Variants in MICAL3 observed in about 807,000 individuals in gnomAD.
MICAL3 encodes the protein [F-actin]-monooxygenase MICAL3.
Under a neutral mutation model 207.4 loss-of-function variants are expected in MICAL3, and 62 were observed. The observed-to-expected ratio is 0.30, with a 90% confidence interval of 0.24 to 0.37. MICAL3 has a LOEUF of 0.37. MICAL3 is among the 10% of genes least tolerant of loss of function. The probability of loss-of-function intolerance (pLI) is 1.00; values close to 1 mark genes in which losing one functional copy is unlikely to be tolerated. For missense variants in MICAL3, 2,368 were observed against 2,635.6 expected (o/e 0.90, Z 2.22); for synonymous variants, 1,077 against 1,069.3 (o/e 1.01, Z -0.14).
chr22:17,887,168 A>G lies in MICAL3; in HGVS notation c.2067+2T>C. ...TCTAGCAATTCCCCAAGTGAATCTC[A>G]CCTCCTCTGATTGACTGGTCTTTCT... is the stretch of plus-strand genomic sequence containing the variant. On this transcript the variant is annotated splice_donor_variant, in intron 15 of 31. Transcript: ENST00000441493. LOFTEE classifies it high-confidence loss of function. The G allele has an allele frequency of 6.2e-7, 1 of 1,612,704 alleles. No homozygotes were observed. The highest frequency in any genetic ancestry group is 8.5e-7 in the Non-Finnish European group (1 of 1,179,046).
intron 1 of MICAL3, among the ~76,000 whole-genome samples, chr22:17,998,320 A>G (rs1260814413): frequency 6.6e-6 from 1 of 152,222 alleles, no homozygotes; most frequent in Admixed American, 6.5e-5. Flanking sequence ...AAGAAGAAGA[A>G]GAAGAACCCA....
In MICAL3 at chr22:17,895,329, G is replaced by A. The variant is rs763938899; in HGVS notation, c.1404C>T (p.Val468=). The change falls in exon 10 of 32, where the codon GTC becomes GTT. Residue 468 remains valine (V), a synonymous_variant. Coordinates refer to ENST00000441493, the MANE Select transcript of MICAL3 (RefSeq NM_015241.3). ...KNFSQYSIDP[V]TRYPNINVNF... ...TGACGTTGATATTGGGATACCGAGT[G>A]ACAGGGTCGATACTGTACTGGCTGA... 2 of 1,613,842 alleles carry A rather than the reference G, an allele frequency of 1.2e-6. No individual in the cohort carries two copies. Among genetic ancestry groups the A allele is most frequent in the South Asian group, 2.2e-5 (2 of 90,994 alleles).
intron 19 of MICAL3, among the ~76,000 whole-genome samples, chr22:17,843,503 A>G (rs969244614): frequency 2.0e-5 from 3 of 152,138 alleles, no homozygotes; most frequent in African/African-American, 7.2e-5. Context: ...TAGAAAATTT[A>G]CAGAACTCCT....
chr22:17,982,891 G>A (rs751493434), intron 1 of MICAL3, among the ~76,000 whole-genome samples: 2 of 152,092 alleles, frequency 1.3e-5, no homozygotes, highest in Non-Finnish European at 2.9e-5. Context: ...AGTCTGACTG[G>A]GTTTAGCACC....
chr22:17,819,282 AC>A (rs1921284214), intron 25 of MICAL3, among the ~76,000 whole-genome samples, 153 bp from the exon 26 acceptor site: 1 of 151,824 alleles, frequency 6.6e-6, no homozygotes, highest in South Asian at 2.1e-4. Context: ...CTCCAGGAAA[AC>A]CCTTTCCACT....
rs775568249 is a variant in MICAL3 at position 17,889,191 on chromosome 22, A to G, written c.1734T>C (p.Asn578=). Residue 578 remains asparagine (N), a synonymous_variant, in exon 13 of 32, where the codon AAT becomes AAC. Transcript: ENST00000441493. ...CAGCAATGTCAAAGGCCAGTTGGTTATTCTTCTCCACATTTTGCTCATCCA... is the reference window on the plus strand; with the variant it reads ...CAGCAATGTCAAAGGCCAGTTGGTTGTTCTTCTCCACATTTTGCTCATCCA... The part of the protein sequence containing the change: ...DSLDEQNVEK[N]NQLAFDIAEK... The G allele has an allele frequency of 5.6e-6, 9 of 1,613,360 alleles. No individual in the cohort carries two copies. The highest frequency in any genetic ancestry group is 7.6e-6 in the Non-Finnish European group (9 of 1,179,324).
At chr22:17,884,208 G>T in intron 16 of MICAL3, 1 of 1,094,066 alleles carries the variant, frequency 9.1e-7, no homozygotes. Flanking sequence ...AACCCTGGCT[G>T]GCTCAGGAGG....
At chr22:17,826,806 C>T (rs1217203040) in intron 22 of MICAL3, among the ~76,000 whole-genome samples, 3 of 152,232 alleles carry the variant, frequency 2.0e-5, no homozygotes, top group Admixed American at 1.3e-4. Flanking sequence ...CTCATGGTGC[C>T]ACCACAAGCC....
chr22:17,950,107 A>G (rs1465693658), intron 1 of MICAL3, among the ~76,000 whole-genome samples: 2 of 152,088 alleles, frequency 1.3e-5, no homozygotes, highest in Non-Finnish European at 2.9e-5. Flanking sequence ...AGAAGGAGGG[A>G]AAAACTCAGG....
intron 1 of MICAL3, among the ~76,000 whole-genome samples, chr22:17,974,080 A>C (rs1935532463): frequency 6.6e-6 from 1 of 152,212 alleles, no homozygotes; most frequent in Admixed American, 6.5e-5. Flanking sequence ...TGAGCTGCCA[A>C]AATTCCAGGC....
rs200950381 is a variant in MICAL3 at position 17,831,969 on chromosome 22, C to T, written c.2940G>A (p.Glu980=). Residue 980 remains glutamate (E), a synonymous_variant, in exon 21 of 32, where the codon GAG becomes GAA. Coordinates refer to ENST00000441493, the MANE Select transcript of MICAL3 (RefSeq NM_015241.3). Reference sequence around the variant, plus strand: ...GCCCAAAGCTCTTTGAGGCCTCTAGCTCCTCTTCACTTTTCCCTTTCAGAA... The same window carrying T: ...GCCCAAAGCTCTTTGAGGCCTCTAGTTCCTCTTCACTTTTCCCTTTCAGAA... The part of the protein sequence containing the change: ...HALLKGKSEE[E]LEASKSFGPG... The T allele has an allele frequency of 6.3e-7, 1 of 1,594,794 alleles. No individual in the cohort carries two copies. Among genetic ancestry groups the T allele is most frequent in the East Asian group, 2.3e-5 (1 of 44,234 alleles).
chr22:17,817,368 AG>A lies in MICAL3; in HGVS notation c.5292del (p.Ser1765ProfsTer17), dbSNP rs762251380. 1 of 1,611,958 alleles carries A rather than the reference AG, an allele frequency of 6.2e-7. No individual in the cohort carries two copies. The highest frequency in any genetic ancestry group is 8.5e-7 in the Non-Finnish European group (1 of 1,179,446). ...KADDKSCPSTPSSGATVDSGK... is the reference protein window; with the variant it reads ...KADDKSCPSTXSSGATVDSGK... Reference sequence around the variant, plus strand: ...CCAGAGTCCACCGTGGCCCCGCTGGAGGGGGTGCTGGGGCAGGACTTGTCGT... The same window carrying A: ...CCAGAGTCCACCGTGGCCCCGCTGGAGGGGTGCTGGGGCAGGACTTGTCGT... On this transcript the variant is annotated frameshift_variant, in exon 26 of 32. Transcript: ENST00000441493. LOFTEE classifies it high-confidence loss of function.
At chr22:17,977,955 G>A (rs561073800) in intron 1 of MICAL3, among the ~76,000 whole-genome samples, 1 of 152,248 alleles carries the variant, frequency 6.6e-6, no homozygotes, top group African/African-American at 2.4e-5. Flanking sequence ...CTGGGAGGCG[G>A]AGGTTGTGGT....
intron 16 of MICAL3, chr22:17,879,276 C>A: frequency 7.3e-7 from 1 of 1,370,336 alleles, no homozygotes; most frequent in South Asian, 1.4e-5. Flanking sequence ...CTTCCCGCTG[C>A]CCCACCACCA....
chr22:17,867,166 C>G (rs1927241476), intron 17 of MICAL3, among the ~76,000 whole-genome samples: 1 of 152,174 alleles, frequency 6.6e-6, no homozygotes, highest in Non-Finnish European at 1.5e-5. Context: ...ACTCCCTATC[C>G]AATGCTGAAT....
At chr22:17,800,664 G>C (rs113530154) in intron 29 of MICAL3, among the ~76,000 whole-genome samples, 1 of 152,124 alleles carries the variant, frequency 6.6e-6, no homozygotes, top group African/African-American at 2.4e-5. Flanking sequence ...CCAATGCTCC[G>C]AGGGCTGCTT....
At chr22:17,860,913 C>T in intron 19 of MICAL3, 1 of 985,306 alleles carries the variant, frequency 1.0e-6, no homozygotes, top group Non-Finnish European at 1.2e-6. Context: ...AACAGCTTCA[C>T]AATTATTATA....
In MICAL3 at chr22:17,904,700, T is replaced by C. The variant is rs770516163; in HGVS notation, c.404A>G (p.His135Arg). The change falls in exon 3 of 32, where the codon CAT (histidine) becomes CGT (arginine). Residue 135 changes from histidine (H) to arginine (R), a missense_variant. By Grantham distance (29) the His-to-Arg change is conservative. Around this residue, in one of 4 missense-constraint regions of MICAL3, gnomAD observed 400 missense variants for 547.0 expected, o/e 0.73. Transcript: ENST00000441493. Reference sequence around the variant, plus strand: ...CTTGGCACCCAGACCTCGTAGATCATGTATGGTGAATGGCCAGAGATGCAA... The same window carrying C: ...CTTGGCACCCAGACCTCGTAGATCACGTATGGTGAATGGCCAGAGATGCAA... ...NVLHLWPFTI[H>R]DLRGLGAKKF... 1.9e-6 allele frequency: 3 copies of C among 1,613,988 alleles called. No homozygotes were observed. Among genetic ancestry groups the C allele is most frequent in the African/African-American group, 2.7e-5 (2 of 74,928 alleles).
intron 19 of MICAL3, among the ~76,000 whole-genome samples, chr22:17,851,362 G>C (rs758270097): frequency 1.3e-5 from 2 of 152,096 alleles, no homozygotes; most frequent in African/African-American, 4.8e-5. Context: ...ACCCTTGAAG[G>C]GCTTTTATAC....
Sources: gnomAD v4.1 joint callset for allele counts (sites outside exome capture counted in the v4.1 genomes callset) on GRCh38, gnomAD v4.1.1 for gene constraint, gnomAD v4.1.1 regional missense constraint, MANE v1.5 for transcripts, NCBI Gene and HGNC (gene_info 2026-07-23, HGNC 2026-07-21) for gene names.